SRP54: variants seen among roughly 807,000 people sequenced by gnomAD.
The protein encoded by SRP54 is signal recognition particle subunit SRP54.
A neutral mutation model predicts 64.8 loss-of-function variants in SRP54; 10 were observed. The ratio of observed to expected loss-of-function variants is 0.15; its 90% CI spans 0.10 to 0.26. The LOEUF is 0.26. Among genes scored for constraint, SRP54 ranks in the 10% least tolerant of loss-of-function variants. SRP54 has a pLI of 1.00. For missense variants in SRP54, 325 were observed against 613.7 expected, an observed-to-expected ratio of 0.53 and a Z score of 4.97; for synonymous variants, 193 against 185.6, an observed-to-expected ratio of 1.04 and a Z score of -0.32.
chr14:35,023,939 T>C (rs1304163653), intron 14 of SRP54, among the ~76,000 whole-genome samples: 3 of 152,162 alleles, frequency 2.0e-5, no homozygotes, highest in Admixed American at 2.0e-4. Context: ...TTTGTGCAGT[T>C]CCATGAGACC....
intron 8 of SRP54, among the ~76,000 whole-genome samples, 200 bp from the exon 9 acceptor site, chr14:35,013,146 C>T (rs1277845135): frequency 1.3e-5 from 2 of 151,796 alleles, no homozygotes; most frequent in African/African-American, 4.8e-5. Flanking sequence ...TTAGTAGAGA[C>T]GGGGTTTTCA....
chr14:35,013,178 T>C (rs954587397), intron 8 of SRP54, among the ~76,000 whole-genome samples, 168 bp from the exon 9 acceptor site: 1 of 152,128 alleles, frequency 6.6e-6, no homozygotes, highest in Non-Finnish European at 1.5e-5. Context: ...AGGCTGGTCT[T>C]GAACTATCTC....
intron 14 of SRP54, among the ~76,000 whole-genome samples, chr14:35,026,527 C>T (rs1289037434): frequency 6.6e-6 from 1 of 152,152 alleles, no homozygotes; most frequent in Non-Finnish European, 1.5e-5. Context: ...ACCCACCTCA[C>T]CCAGGCTGCA....
intron 14 of SRP54, among the ~76,000 whole-genome samples, chr14:35,027,511 A>C (rs12892114): frequency 0.32 from 48,545 of 151,894 alleles, 8,186 homozygotes; most frequent in Non-Finnish European, 0.37. Flanking sequence ...TAATCCCAGC[A>C]CTCTGGGAGG....
At chr14:34,997,974 G>C (rs1028315250) in intron 2 of SRP54, among the ~76,000 whole-genome samples, 9 of 152,198 alleles carry the variant, frequency 5.9e-5, no homozygotes, top group Non-Finnish European at 1.2e-4. Flanking sequence ...AGGAGTTCTT[G>C]GTGGGAGGTA....
At chr14:35,025,158 T>C (rs1032667528) in intron 14 of SRP54, among the ~76,000 whole-genome samples, 11 of 152,216 alleles carry the variant, frequency 7.2e-5, no homozygotes, top group African/African-American at 2.4e-4. Context: ...AGTCCTCTTT[T>C]TGATTTTTTT....
At chr14:34,985,314 T>C (rs2043877268) in intron 1 of SRP54, among the ~76,000 whole-genome samples, 1 of 152,220 alleles carries the variant, frequency 6.6e-6, no homozygotes, top group Non-Finnish European at 1.5e-5. Context: ...TGACCTCTTC[T>C]CTATTAACTC....
At chr14:34,999,962 C>G in intron 3 of SRP54, 1 of 166,934 alleles carries the variant, frequency 6.0e-6, no homozygotes, top group Middle Eastern at 2.7e-3. Context: ...AATTCAGGCT[C>G]TTCATAGAAA....
chr14:34,984,281 A>G (rs1278278259), intron 1 of SRP54, among the ~76,000 whole-genome samples: 2 of 152,178 alleles, frequency 1.3e-5, no homozygotes, highest in Non-Finnish European at 2.9e-5. Context: ...CTTTTTAAAA[A>G]TTGATTTTCT....
chr14:35,005,089 C>T (rs940070832), intron 4 of SRP54, among the ~76,000 whole-genome samples: 1 of 152,154 alleles, frequency 6.6e-6, no homozygotes, highest in Non-Finnish European at 1.5e-5. Flanking sequence ...CTCAGCACTT[C>T]AGGAGGCCAA....
At chr14:35,008,501 T>C in intron 5 of SRP54, 126 bp from the exon 6 acceptor site, 1 of 557,660 alleles carries the variant, frequency 1.8e-6, no homozygotes, top group South Asian at 7.1e-5. Context: ...TTTAATAATA[T>C]TTTCAGGAGA....
Position 35,013,399 on chromosome 14 carries a change from A to C in SRP54, c.690A>C (p.Glu230Asp). The C allele has an allele frequency of 6.2e-7, 1 of 1,614,184 alleles. No individual in the cohort carries two copies. Among genetic ancestry groups the C allele is most frequent in the Non-Finnish European group, 8.5e-7 (1 of 1,180,012 alleles). The stretch of plus-strand genomic sequence containing the variant: ...ATGCCTCCATTGGGCAGGCTTGTGA[A>C]GCCCAGGCTAAGGCTTTTAAAGATA... ...VMDASIGQAC[E>D]AQAKAFKDKV... Residue 230 changes from glutamate to aspartate, a missense_variant, in exon 9 of 16, where the codon GAA becomes GAC. By Grantham distance (45) the Glu-to-Asp change is conservative (BLOSUM62 2). Around this residue, in one of 3 missense-constraint regions of SRP54, gnomAD observed 146 missense variants for 337.4 expected, o/e 0.43. Transcript: ENST00000216774.
In SRP54 at chr14:35,013,892, C is replaced by A. The variant is rs2044394507; in HGVS notation, c.876C>A (p.Ser292Arg). 6.2e-7 allele frequency: 1 copy of A among 1,611,176 alleles called. No homozygotes were observed. The highest frequency in any genetic ancestry group is 8.5e-7 in the Non-Finnish European group (1 of 1,177,442). ...FEPFKTQPFI[S>R]KLLGMGDIEG... Reference sequence around the variant, plus strand: ...CTTTCAAAACACAGCCTTTTATTAGCAAACTTCTTGGTATGTACAGTGGTG... The same window carrying A: ...CTTTCAAAACACAGCCTTTTATTAGAAAACTTCTTGGTATGTACAGTGGTG... The change falls in exon 10 of 16, where the codon AGC becomes AGA. Residue 292 changes from serine to arginine, a missense_variant. Physicochemically the swap from Ser to Arg is moderately radical, Grantham distance 110 (BLOSUM62 -1). This residue lies in a region of SRP54 where 146 missense variants were observed against 337.4 expected (regional missense o/e 0.43). Transcript: ENST00000216774.
In SRP54 at chr14:35,014,799, C is replaced by T; in HGVS notation, c.942C>T (p.Asp314=). ...IDKVNELKLD[D]NEALIEKLKH... is the part of the protein sequence containing the mutation. ...AAGTCAACGAGTTGAAGTTGGATGACAATGAAGCACTTATAGAGAAGTTGA... is the reference window on the plus strand; with the variant it reads ...AAGTCAACGAGTTGAAGTTGGATGATAATGAAGCACTTATAGAGAAGTTGA... Residue 314 remains aspartate (D), a synonymous_variant, in exon 11 of 16, where the codon GAC becomes GAT. Transcript: ENST00000216774. 1 of 1,613,882 alleles carries T rather than the reference C, an allele frequency of 6.2e-7. No homozygotes were observed. The highest frequency in any genetic ancestry group is 8.5e-7 in the Non-Finnish European group (1 of 1,179,924).
chr14:34,993,513 T>C (rs1039747893), intron 1 of SRP54: 1 of 152,082 alleles, frequency 6.6e-6, no homozygotes, highest in Non-Finnish European at 1.5e-5. Flanking sequence ...ATTACCAAAT[T>C]GTACTTGAGT....
chr14:35,028,047 C>A (rs2044662433), intron 14 of SRP54, 41 bp from the exon 15 acceptor site: 3 of 1,348,316 alleles, frequency 2.2e-6, no homozygotes, highest in Non-Finnish European at 3.1e-6. Context: ...GATTATATTA[C>A]CTCCTACGCT....
chr14:34,991,408 G>A (rs1265486644), intron 1 of SRP54, among the ~76,000 whole-genome samples: 1 of 151,900 alleles, frequency 6.6e-6, no homozygotes, highest in Non-Finnish European at 1.5e-5. Context: ...GGGATTACAG[G>A]CATGAGCCAC....
chr14:35,000,401 A>T (rs551685307), intron 3 of SRP54, among the ~76,000 whole-genome samples: 3 of 152,136 alleles, frequency 2.0e-5, no homozygotes, highest in South Asian at 4.2e-4. Context: ...CCCTGTTTCT[A>T]CTAAAAATAC....
At chr14:35,028,797 C>T (rs962372837) in intron 15 of SRP54, among the ~76,000 whole-genome samples, 5 of 151,882 alleles carry the variant, frequency 3.3e-5, no homozygotes, top group South Asian at 4.2e-4. Context: ...ACTATGTGAC[C>T]GGTAGTATCC....
Sources: allele counts gnomAD v4.1 joint callset (sites outside exome capture counted in the v4.1 genomes callset), GRCh38; gene constraint gnomAD v4.1.1; regional missense constraint gnomAD v4.1.1; transcripts MANE v1.5; gene names NCBI Gene and HGNC (gene_info 2026-07-23, HGNC 2026-07-21).